DROSHA: variants seen among roughly 807,000 people sequenced by gnomAD.
DROSHA encodes the protein ribonuclease 3.
Under a neutral mutation model 181.9 loss-of-function variants are expected in DROSHA, and 56 were observed. The ratio of observed to expected loss-of-function variants is 0.31; its 90% confidence interval spans 0.25 to 0.38. DROSHA has a LOEUF of 0.38. Among genes scored for constraint, DROSHA ranks in the 10% least tolerant of loss-of-function variants. DROSHA has a pLI of 1.00. For missense variants in DROSHA, 1,218 were observed against 1,743.5 expected (o/e 0.70, Z 5.37); for synonymous variants, 524 against 591.2 (o/e 0.89, Z 1.65).
chr5:31,403,258 C>A (rs762039531), intron 35 of DROSHA, among the ~76,000 whole-genome samples: 4 of 152,174 alleles, frequency 2.6e-5, no homozygotes, highest in Non-Finnish European at 5.9e-5. Context: ...AACTCTATTT[C>A]CGGAATAAAC....
In DROSHA at chr5:31,474,240, CT is replaced by C. The variant is rs1312482214; in HGVS notation, c.2072-2009del. ...TATATCTACTAATTCGTAGCAGTGA[CT>C]TTTTTTTATGCCTCATTACAAAGCA... On this transcript the variant is annotated intron_variant, in intron 16 of 35. Coordinates refer to ENST00000344624, the MANE Select transcript of DROSHA (RefSeq NM_001382508.1). Among the ~76,000 whole-genome samples the C allele has an allele frequency of 2.6e-5, 4 of 152,224 alleles. No homozygotes were observed. In the South Asian group the frequency reaches 8.3e-4, roughly 32 times the overall value.
chr5:31,419,949 C>T lies in DROSHA; in HGVS notation c.3525+1323G>A, dbSNP rs544586812. Among the ~76,000 whole-genome samples the T allele has an allele frequency of 1.1e-4, 16 of 152,202 alleles. No homozygotes were observed. The South Asian group carries it at 3.1e-3, about 30-fold the overall frequency. ...AGACACTTTCTTGTCCACCTAAAAA[C>T]TGTTAACTTTAAATGGTAATCAAAC... On this transcript the variant is annotated intron_variant, in intron 30 of 35. Transcript: ENST00000344624.
At chr5:31,441,037 T>C (rs1745524803) in intron 23 of DROSHA, among the ~76,000 whole-genome samples, 1 of 149,200 alleles carries the variant, frequency 6.7e-6, no homozygotes. Flanking sequence ...TAATAGCCAA[T>C]AATGGGAAAT....
At chr5:31,461,763 GT>G (rs35590045) in intron 20 of DROSHA, among the ~76,000 whole-genome samples, 70,702 of 145,006 alleles carry the variant, frequency 0.49, 20,557 homozygotes, top group South Asian at 0.68. Flanking sequence ...TTACTGTAAG[GT>G]TTTTTTTTTT....
chr5:31,403,313 T>TTAAC (rs1740252561), intron 35 of DROSHA, among the ~76,000 whole-genome samples: 2 of 152,314 alleles, frequency 1.3e-5, no homozygotes, highest in African/African-American at 4.8e-5. Flanking sequence ...AAATTCACAT[T>TTAAC]TAACTATTGA....
At chr5:31,499,128 G>A (rs1371464061) in intron 11 of DROSHA, among the ~76,000 whole-genome samples, 2 of 152,172 alleles carry the variant, frequency 1.3e-5, no homozygotes, top group African/African-American at 4.8e-5. Flanking sequence ...GCAAGGCAGA[G>A]GTATAAAGGC....
intron 13 of DROSHA, among the ~76,000 whole-genome samples, chr5:31,488,653 A>C (rs996089966): frequency 1.3e-5 from 2 of 152,162 alleles, no homozygotes; most frequent in African/African-American, 4.8e-5. Flanking sequence ...GGGCTTATGG[A>C]TATATGGCAA....
rs182903651 is a variant in DROSHA at position 31,406,276 on chromosome 5, G to C, written c.3948-553C>G. 2.5e-3 allele frequency among the ~76,000 whole-genome samples: 383 copies of C among 152,156 alleles called. 3 individuals carry two copies. The highest frequency in any genetic ancestry group is 0.022 in the South Asian group (107 of 4,808). On this transcript the variant is annotated intron_variant, in intron 34 of 35. Transcript: ENST00000344624. The stretch of plus-strand genomic sequence containing the variant: ...AAATCCCAGCACTTTGGGAGGCTGA[G>C]GGGGGGTTGGGACCACTTGAGGTCA...
intron 23 of DROSHA, among the ~76,000 whole-genome samples, chr5:31,441,762 G>A (rs943131390): frequency 6.6e-6 from 1 of 152,144 alleles, no homozygotes; most frequent in African/African-American, 2.4e-5. Flanking sequence ...AAATAAGAAA[G>A]AAATAGTGAG....
chr5:31,440,553 G>A (rs1308801976), intron 23 of DROSHA, among the ~76,000 whole-genome samples: 1 of 152,152 alleles, frequency 6.6e-6, no homozygotes, highest in Non-Finnish European at 1.5e-5. Context: ...AAATCTGCTA[G>A]GTTGTGAACA....
At chr5:31,457,059 CAAGA>C in intron 20 of DROSHA, among the ~76,000 whole-genome samples, 1 of 143,452 alleles carries the variant, frequency 7.0e-6, no homozygotes, top group Non-Finnish European at 1.5e-5. Context: ...ACCATTCATA[CAAGA>C]AAGAGGAAAA....
At chr5:31,526,967 T>A in intron 4 of DROSHA, 55 bp from the exon 5 acceptor site, 1 of 1,498,146 alleles carries the variant, frequency 6.7e-7, no homozygotes, top group South Asian at 1.3e-5. Flanking sequence ...ATTCTTACTA[T>A]GTAAACAGGG....
rs1461288141 is a variant in DROSHA at position 31,401,382 on chromosome 5, A to G, written c.*50T>C. 1.3e-6 allele frequency: 2 copies of G among 1,599,160 alleles called. No homozygotes were observed. The highest frequency in any genetic ancestry group is 8.5e-7 in the Non-Finnish European group (1 of 1,170,334). ...AAACTAGGCTAGGTCTCAATAGACA[A>G]CAGTCACAGTTACTGAGCAAGTAAA... On this transcript the variant is annotated 3_prime_UTR_variant, in exon 36 of 36. Transcript: ENST00000344624.
rs1561301851 is a variant in DROSHA, at chr5:31,526,793, G to A, written c.140C>T (p.Pro47Leu). The A allele has an allele frequency of 1.9e-6, 3 of 1,609,850 alleles. No homozygotes were observed. Among genetic ancestry groups the A allele is most frequent in the Admixed American group, 1.7e-5 (1 of 58,824 alleles). ...AGGTTCATATTGATATTGCACAGGA[G>A]GCTGCTGAGGGTGAAGCAGCCTCAG... is the stretch of plus-strand genomic sequence containing the variant. ...QNLRLLHPQQ[P>L]PVQYQYEPPS... Residue 47 changes from proline to leucine, a missense_variant, in exon 5 of 36, where the codon CCT becomes CTT. This residue lies in a region of DROSHA where 536 missense variants were observed against 535.4 expected (regional missense o/e 1.00). Transcript: ENST00000344624.
chr5:31,507,525 GA>G (rs1738133778), intron 10 of DROSHA, among the ~76,000 whole-genome samples: 1 of 151,902 alleles, frequency 6.6e-6, no homozygotes, highest in South Asian at 2.1e-4. Context: ...TTGGGAGGCT[GA>G]AGCAGGTTTG....
chr5:31,514,925 A>G lies in DROSHA; in HGVS notation c.1290+63T>C, dbSNP rs907039635. On this transcript the variant is annotated intron_variant, in intron 8 of 35. Transcript: ENST00000344624. The surrounding 1 kb of genome is among the most constrained non-coding windows in gnomAD (Gnocchi z 4.4). ...ACAATCAAGAATTTATCCAGCCCCA[A>G]AGGCCAATAGTGACAACGCCGAGAA... 2 of 1,490,068 alleles carry G rather than the reference A, an allele frequency of 1.3e-6. No homozygotes were observed. The highest frequency in any genetic ancestry group is 1.8e-5 in the Admixed American group (1 of 54,924). The allele number at this position is 1,490,068 out of a possible 1,614,324, so 92.3% of individuals were successfully genotyped here.
At chr5:31,440,026 A>C (rs1280729491) in intron 23 of DROSHA, among the ~76,000 whole-genome samples, 1 of 152,130 alleles carries the variant, frequency 6.6e-6, no homozygotes, top group Non-Finnish European at 1.5e-5. Flanking sequence ...TCTGGCTTTC[A>C]AGGCCATTCT....
intron 5 of DROSHA, 91 bp downstream of exon 5, chr5:31,525,988 A>C: frequency 1.2e-5 from 15 of 1,213,780 alleles, no homozygotes; most frequent in African/African-American, 1.5e-5. Context: ...AAGATGCCCT[A>C]CTGGATCCTT....
chr5:31,530,717 C>G (rs958417014), intron 3 of DROSHA, 81 bp downstream of exon 3: 4 of 390,282 alleles, frequency 1.0e-5, no homozygotes, highest in African/African-American at 8.3e-5. Flanking sequence ...GCCACCTCCT[C>G]TATGAAGCCC....
Sources: allele counts gnomAD v4.1 joint callset (sites outside exome capture counted in the v4.1 genomes callset), GRCh38; gene constraint gnomAD v4.1.1; regional missense constraint gnomAD v4.1.1; non-coding constraint Gnocchi (gnomAD v3.1); transcripts MANE v1.5; gene names NCBI Gene and HGNC (gene_info 2026-07-23, HGNC 2026-07-21).